Variants in RGS21 observed in about 807,000 individuals in gnomAD.
RGS21 encodes regulator of G-protein signalling 21.
Under a neutral mutation model 18.7 loss-of-function variants are expected in RGS21, and 19 were observed. The ratio of observed to expected loss-of-function variants is 1.01; its 90% CI spans 0.71 to 1.49. The LOEUF (loss-of-function observed/expected upper bound fraction) is 1.49, where lower values mean the gene tolerates loss of function less well. Ranked by LOEUF, RGS21 falls within the 40% of genes most tolerant of loss-of-function variation. The pLI is 0.00. For missense variants in RGS21, 194 were observed against 176.8 expected, an observed-to-expected ratio of 1.10 and a Z score of -0.55; for synonymous variants, 56 against 57.8, an observed-to-expected ratio of 0.97 and a Z score of 0.14.
chr1:192,347,189 TGACA>T, intron 2 of RGS21, 120 bp from the exon 3 acceptor site: 2 of 631,256 alleles, frequency 3.2e-6, no homozygotes, highest in Non-Finnish European at 5.8e-6. Context: ...TATAATTTTT[TGACA>T]TTTGGCTGTT....
intron 4 of RGS21, among the ~76,000 whole-genome samples, chr1:192,361,569 G>A (rs76198434): frequency 0.037 from 5,675 of 151,538 alleles, 119 homozygotes; most frequent in Non-Finnish European, 0.052. Flanking sequence ...TTTTTTTGAC[G>A]GAGTCTCGCT....
intron 3 of RGS21, among the ~76,000 whole-genome samples, chr1:192,348,193 T>C (rs542282637): frequency 1.3e-5 from 2 of 151,824 alleles, no homozygotes; most frequent in African/African-American, 2.4e-5. Context: ...ACCAAGCTAA[T>C]ATGTGTATTT....
At chr1:192,339,423 C>A (rs1658818969) in intron 1 of RGS21, among the ~76,000 whole-genome samples, 1 of 151,882 alleles carries the variant, frequency 6.6e-6, no homozygotes. Context: ...TTTGAATATG[C>A]CTATGAAATT....
intron 4 of RGS21, 44 bp downstream of exon 4, chr1:192,352,257 G>C (rs1557980457): frequency 7.1e-7 from 1 of 1,400,702 alleles, no homozygotes; most frequent in African/African-American, 1.4e-5. Context: ...TCCTGTAGCA[G>C]ATCTGCTCCC....
At chr1:192,342,888 T>C (rs193033828) in intron 1 of RGS21, 89 bp from the exon 2 acceptor site, 1 of 695,330 alleles carries the variant, frequency 1.4e-6, no homozygotes, top group Non-Finnish European at 2.6e-6. Context: ...AAGCTGAGAA[T>C]AGCAGAATTT....
intron 3 of RGS21, among the ~76,000 whole-genome samples, chr1:192,350,441 C>T (rs1335003590): frequency 6.6e-6 from 1 of 152,128 alleles, no homozygotes; most frequent in African/African-American, 2.4e-5. Flanking sequence ...ATTTCTGTAG[C>T]CAATTTTGCC....
chr1:192,351,597 A>G (rs1158349582), intron 3 of RGS21, among the ~76,000 whole-genome samples: 2 of 151,314 alleles, frequency 1.3e-5, no homozygotes, highest in Non-Finnish European at 3.0e-5. Context: ...TCAAATACAG[A>G]AAGAAAAAAG....
chr1:192,352,211 G>C lies in RGS21; in HGVS notation c.253G>C (p.Glu85Gln), dbSNP rs1165143771. The C allele has an allele frequency of 3.1e-6, 5 of 1,600,734 alleles. No individual in the cohort carries two copies. The highest frequency in any genetic ancestry group is 4.3e-6 in the Non-Finnish European group (5 of 1,174,448). ...ATTCATTGAAGCTGATGCACCTAAA[G>C]AGGTGAGTGAACTACTTCAGAACAG... ...SEFIEADAPK[E>Q]INIDFGTRDL... The change falls in exon 4 of 5, where the codon GAG becomes CAG. Residue 85 changes from glutamate to glutamine, a missense_variant and splice_region_variant. Coordinates refer to ENST00000417209, the MANE Select transcript of RGS21 (RefSeq NM_001039152.3).
intron 1 of RGS21, among the ~76,000 whole-genome samples, chr1:192,332,430 T>C (rs1044503236): frequency 6.6e-6 from 1 of 152,166 alleles, no homozygotes; most frequent in Non-Finnish European, 1.5e-5. Flanking sequence ...GTCAACCTTG[T>C]TCGAAACTTC....
chr1:192,346,491 G>A (rs74999754), intron 2 of RGS21, among the ~76,000 whole-genome samples: 1,765 of 152,126 alleles, frequency 0.012, 22 homozygotes, highest in Middle Eastern at 0.061. Flanking sequence ...ATAATCCAAC[G>A]TGGTTTTATT....
chr1:192,332,717 T>C (rs1571451703), intron 1 of RGS21, among the ~76,000 whole-genome samples: 2 of 151,826 alleles, frequency 1.3e-5, no homozygotes, highest in South Asian at 4.2e-4. Context: ...TAATAAGGAG[T>C]TCATATCTAC....
intron 1 of RGS21, among the ~76,000 whole-genome samples, chr1:192,321,626 C>A (rs901538324): frequency 1.2e-4 from 18 of 151,808 alleles, no homozygotes; most frequent in African/African-American, 4.1e-4. Context: ...ATTTTAATGC[C>A]ATTTTTACTC....
At chr1:192,328,149 A>C (rs1658595601) in intron 1 of RGS21, among the ~76,000 whole-genome samples, 1 of 152,200 alleles carries the variant, frequency 6.6e-6, no homozygotes, top group Non-Finnish European at 1.5e-5. Flanking sequence ...TGTCATGGAC[A>C]CACGTGATTG....
chr1:192,332,453 T>A (rs1252192406), intron 1 of RGS21, among the ~76,000 whole-genome samples: 1 of 152,130 alleles, frequency 6.6e-6, no homozygotes, highest in Admixed American at 6.6e-5. Context: ...ACCTTATACT[T>A]AAAAAATTAG....
chr1:192,341,444 G>A (rs970193957), intron 1 of RGS21, among the ~76,000 whole-genome samples: 1 of 152,020 alleles, frequency 6.6e-6, no homozygotes, highest in Admixed American at 6.6e-5. Context: ...TATCTATATG[G>A]CAATCCTTTG....
intron 1 of RGS21, among the ~76,000 whole-genome samples, chr1:192,339,497 T>TA (rs1021216658): frequency 2.3e-4 from 35 of 151,964 alleles, no homozygotes; most frequent in Non-Finnish European, 3.7e-4. Flanking sequence ...ACCTTTTTTT[T>TA]ATGTATTGAT....
At chr1:192,321,755 T>C (rs1658501017) in intron 1 of RGS21, among the ~76,000 whole-genome samples, 1 of 152,024 alleles carries the variant, frequency 6.6e-6, no homozygotes, top group Non-Finnish European at 1.5e-5. Context: ...CACTCTTTGA[T>C]GTATTAAAAA....
intron 4 of RGS21, among the ~76,000 whole-genome samples, chr1:192,360,601 G>C: frequency 6.6e-6 from 1 of 152,028 alleles, no homozygotes; most frequent in East Asian, 1.9e-4. Flanking sequence ...AGCCAGCGAT[G>C]CTTTTTCAAA....
intron 1 of RGS21, among the ~76,000 whole-genome samples, chr1:192,319,033 C>T (rs920908997): frequency 1.3e-5 from 2 of 151,904 alleles, no homozygotes; most frequent in Non-Finnish European, 2.9e-5. Flanking sequence ...AATTCAAGAC[C>T]AGTCCGGGAA....
Sources: gnomAD v4.1 joint callset for allele counts (sites outside exome capture counted in the v4.1 genomes callset) on GRCh38, gnomAD v4.1.1 for gene constraint, MANE v1.5 for transcripts, NCBI Gene and HGNC (gene_info 2026-07-23, HGNC 2026-07-21) for gene names.